COBL: variants seen among roughly 807,000 people sequenced by gnomAD.
The protein encoded by COBL is cordon-bleu WH2 repeat protein, also known as protein cordon-bleu.
In COBL, 51 loss-of-function variants were observed where a neutral mutation model predicts 98.8. That is an observed-to-expected ratio of 0.52 (90% CI 0.41 to 0.65). COBL has a LOEUF of 0.65. Ranked by LOEUF, COBL falls within the 30% of genes least tolerant of loss-of-function variation. The pLI is 0.00. For synonymous variants in COBL, 634 were observed against 651.7 expected, an observed-to-expected ratio of 0.97 and a Z score of 0.41; for missense variants, 1,617 against 1,617.5, an observed-to-expected ratio of 1.00 and a Z score of 0.01.
chr7:51,230,936 T>C (rs1794683359), intron 1 of COBL, among the ~76,000 whole-genome samples: 1 of 152,172 alleles, frequency 6.6e-6, no homozygotes, highest in South Asian at 2.1e-4. Flanking sequence ...GACTTGACTC[T>C]AGAAGTGTCC....
At chr7:51,207,855 G>C (rs1387821126) in intron 2 of COBL, among the ~76,000 whole-genome samples, 1 of 151,972 alleles carries the variant, frequency 6.6e-6, no homozygotes, top group Non-Finnish European at 1.5e-5. Context: ...CCACCACCCC[G>C]TCTGGGAAGT....
At chr7:51,301,342 T>C (rs1163752581) in intron 1 of COBL, among the ~76,000 whole-genome samples, 1 of 152,184 alleles carries the variant, frequency 6.6e-6, no homozygotes. Flanking sequence ...CTCCTTCCTA[T>C]CTGAGCAGGA....
Position 51,051,051 on chromosome 7 carries a change from A to G in COBL, c.1097-7359T>C, listed in dbSNP as rs1246669927. Among the ~76,000 whole-genome samples the G allele has an allele frequency of 2.0e-5, 3 of 152,292 alleles. No individual in the cohort carries two copies. The East Asian group carries it at 5.8e-4, about 29-fold the overall frequency. ...TTCCGTTATTTGGATTATACACTTG[A>G]GTATAATCTAACTTAGGAGGGTATA... On this transcript the variant is annotated intron_variant, in intron 7 of 12. Transcript: ENST00000265136.
intron 1 of COBL, among the ~76,000 whole-genome samples, chr7:51,239,987 T>A (rs1795624899): frequency 6.6e-6 from 1 of 152,278 alleles, no homozygotes; most frequent in Non-Finnish European, 1.5e-5. Context: ...TGAACTTGGC[T>A]GTGTTCCAAT....
intron 6 of COBL, among the ~76,000 whole-genome samples, chr7:51,091,020 A>G (rs1161233468): frequency 9.2e-5 from 14 of 152,232 alleles, no homozygotes; most frequent in Non-Finnish European, 4.4e-5. Context: ...AGAGGCCCCA[A>G]GAATCTCTAG....
intron 6 of COBL, among the ~76,000 whole-genome samples, chr7:51,122,799 C>T (rs1422406654): frequency 6.6e-6 from 1 of 151,950 alleles, no homozygotes; most frequent in South Asian, 2.1e-4. Flanking sequence ...TGCAACATGG[C>T]AAAACCCTGT....
At chr7:51,297,332 C>T (rs1437699087) in intron 1 of COBL, among the ~76,000 whole-genome samples, 1 of 151,928 alleles carries the variant, frequency 6.6e-6, no homozygotes, top group Non-Finnish European at 1.5e-5. Context: ...CCTTTCAGTA[C>T]CTGAGATCTT....
intron 6 of COBL, among the ~76,000 whole-genome samples, chr7:51,087,779 T>C (rs1278337758): frequency 4.7e-5 from 1 of 21,186 alleles, no homozygotes; most frequent in Non-Finnish European, 8.4e-5. Context: ...CGGCCCCGCC[T>C]TTTTTTTTTT....
chr7:51,210,405 G>A (rs969403804), intron 2 of COBL, among the ~76,000 whole-genome samples: 1 of 152,204 alleles, frequency 6.6e-6, no homozygotes, highest in Non-Finnish European at 1.5e-5. Flanking sequence ...TCAACCTGGA[G>A]GAAACCTCAG....
rs1490900460 is a variant in COBL, at chr7:51,193,539, T to C, written c.296A>G (p.Asn99Ser). ...AATTTCAAGGGCATGGTGGGATGGATTCAGGTGGTTCTGAAGGCAAAGTTC... is the reference window on the plus strand; with the variant it reads ...AATTTCAAGGGCATGGTGGGATGGACTCAGGTGGTTCTGAAGGCAAAGTTC... ...LVELCLQNHL[N>S]PSHHALEIRS... is the part of the protein sequence containing the mutation. Residue 99 changes from asparagine (N) to serine (S), a missense_variant, in exon 3 of 13, where the codon AAT becomes AGT. Transcript: ENST00000265136. The C allele has an allele frequency of 4.3e-6, 7 of 1,614,204 alleles. No individual in the cohort carries two copies. The highest frequency in any genetic ancestry group is 5.9e-6 in the Non-Finnish European group (7 of 1,180,042).
chr7:51,085,915 C>T (rs537652027), intron 6 of COBL, among the ~76,000 whole-genome samples: 25 of 152,142 alleles, frequency 1.6e-4, no homozygotes, highest in Non-Finnish European at 3.2e-4. Flanking sequence ...GGGACATTAG[C>T]CCCCAACCAC....
chr7:51,047,772 T>G (rs1386722746), intron 7 of COBL, among the ~76,000 whole-genome samples: 1 of 152,212 alleles, frequency 6.6e-6, no homozygotes, highest in East Asian at 1.9e-4. Context: ...TTAACCTGTG[T>G]TGACTTTGTT....
Position 51,028,622 on chromosome 7 carries a change from C to T in COBL, c.2474G>A (p.Gly825Asp). 1 of 1,613,482 alleles carries T rather than the reference C, an allele frequency of 6.2e-7. No homozygotes were observed. Among genetic ancestry groups the T allele is most frequent in the East Asian group, 2.2e-5 (1 of 44,876 alleles). ...SPQQKSAHHE[G>D]RNPLGEGRNQ... ...TCTCCCCTCCCCTAGGGGGTTCCGG[C>T]CCTCATGGTGGGCAGACTTCTGCTG... The change falls in exon 10 of 13, where the codon GGC (glycine) becomes GAC (aspartate). Residue 825 changes from glycine (G) to aspartate (D), a missense_variant. This residue lies in a region of COBL where 1,304 missense variants were observed against 1,282.0 expected (regional missense o/e 1.02). Coordinates refer to ENST00000265136, the MANE Select transcript of COBL (RefSeq NM_015198.5).
At chr7:51,145,007 T>C (rs1447439521) in intron 5 of COBL, among the ~76,000 whole-genome samples, 1 of 152,240 alleles carries the variant, frequency 6.6e-6, no homozygotes, top group South Asian at 2.1e-4. Flanking sequence ...TGTGTACTAT[T>C]CACTTGTTTT....
intron 5 of COBL, among the ~76,000 whole-genome samples, chr7:51,178,200 G>A (rs1002436776): frequency 1.3e-5 from 2 of 151,788 alleles, no homozygotes; most frequent in South Asian, 2.1e-4. Flanking sequence ...ATATATACAT[G>A]TGGTTTTATG....
At chr7:51,185,856 G>A (rs750898685) in intron 4 of COBL, among the ~76,000 whole-genome samples, 4 of 152,340 alleles carry the variant, frequency 2.6e-5, no homozygotes, top group Middle Eastern at 3.4e-3. Context: ...CACTGATAGC[G>A]TCCACACAGC....
chr7:51,180,280 C>T (rs762310435), intron 5 of COBL, among the ~76,000 whole-genome samples: 84 of 152,258 alleles, frequency 5.5e-4, no homozygotes, highest in African/African-American at 1.7e-3. Flanking sequence ...GGTTCCTTGT[C>T]GACATGGTTC....
intron 1 of COBL, among the ~76,000 whole-genome samples, chr7:51,308,847 C>T (rs1029570317): frequency 6.6e-6 from 1 of 152,180 alleles, no homozygotes; most frequent in Admixed American, 6.5e-5. Context: ...CGTCAGCACC[C>T]CGATGTGTTG....
intron 1 of COBL, among the ~76,000 whole-genome samples, chr7:51,303,332 G>T (rs965827245): frequency 6.6e-6 from 1 of 152,084 alleles, no homozygotes; most frequent in Non-Finnish European, 1.5e-5. Flanking sequence ...AGGCCAAGGC[G>T]GCCAGATTGC....
Sources: allele counts gnomAD v4.1 joint callset (sites outside exome capture counted in the v4.1 genomes callset), GRCh38; gene constraint gnomAD v4.1.1; regional missense constraint gnomAD v4.1.1; transcripts MANE v1.5; gene names NCBI Gene and HGNC (gene_info 2026-07-23, HGNC 2026-07-21).